YEATS2: variants seen among roughly 807,000 people sequenced by gnomAD.
YEATS2 encodes the protein YEATS domain containing 2.
In YEATS2, 77 loss-of-function variants were observed where a neutral mutation model predicts 163.2. The observed-to-expected ratio is 0.47, with a 90% CI of 0.39 to 0.57. YEATS2 has a LOEUF of 0.57. Among genes scored for constraint, YEATS2 ranks in the 20% least tolerant of loss-of-function variants. YEATS2 has a pLI of 0.00. For synonymous variants in YEATS2, 631 were observed against 645.1 expected (o/e 0.98, Z 0.33); for missense variants, 1,549 against 1,729.8 (o/e 0.90, Z 1.85).
At chr3:183,760,237 T>G (rs1405367288) in intron 13 of YEATS2, among the ~76,000 whole-genome samples, 1 of 152,188 alleles carries the variant, frequency 6.6e-6, no homozygotes, top group Non-Finnish European at 1.5e-5. Flanking sequence ...CCAAGAAGTG[T>G]TCTTCGTTTC....
At chr3:183,716,487 T>G (rs1715893107) in intron 2 of YEATS2, among the ~76,000 whole-genome samples, 2 of 152,090 alleles carry the variant, frequency 1.3e-5, no homozygotes, top group South Asian at 4.1e-4. Context: ...GAAGGAAAAT[T>G]GTTAAATCCA....
At chr3:183,777,212 T>C (rs564831145) in intron 18 of YEATS2, among the ~76,000 whole-genome samples, 10 of 152,356 alleles carry the variant, frequency 6.6e-5, no homozygotes, top group African/African-American at 1.9e-4. Context: ...TGAAGGAAAG[T>C]AATAGAATTT....
chr3:183,769,192 A>G (rs927237649), intron 15 of YEATS2, among the ~76,000 whole-genome samples: 59 of 152,198 alleles, frequency 3.9e-4, no homozygotes, highest in Non-Finnish European at 1.5e-5. Flanking sequence ...AGTTTTAACA[A>G]TTACCAGCAT....
intron 21 of YEATS2, chr3:183,793,105 T>A: frequency 7.9e-7 from 1 of 1,270,104 alleles, no homozygotes; most frequent in Middle Eastern, 2.2e-4. Flanking sequence ...TACTGTATTA[T>A]CTTGTTGCAG....
chr3:183,728,548 C>T, intron 6 of YEATS2, 142 bp from the exon 7 acceptor site: 1 of 698,700 alleles, frequency 1.4e-6, no homozygotes, highest in South Asian at 2.8e-5. Context: ...CTTGCAAAGA[C>T]TCATTTTGCT....
At position 183,801,757 on chromosome 3, in the gene YEATS2, A is replaced by G. The variant is rs142828563; in HGVS notation, c.3502+229A>G. On this transcript the variant is annotated intron_variant, in intron 25 of 30. Coordinates refer to ENST00000305135, the MANE Select transcript of YEATS2 (RefSeq NM_018023.5). ...GTAGAAGGAATGTTTTACATTTTTC[A>G]TATGTAAATCATAGATTGTTTTGTA... is the stretch of plus-strand genomic sequence containing the variant. 4.9e-4 allele frequency: 207 copies of G among 425,816 alleles called. 4 individuals are homozygous for G. The highest frequency in any genetic ancestry group is 4.8e-3 in the East Asian group (114 of 23,686). The allele number at this position is 425,816 out of a possible 1,614,324, so 26.4% of individuals were successfully genotyped here. A position where few individuals can be genotyped will look rare whatever the true frequency, so the allele number is the denominator to read the frequency against.
At chr3:183,705,696 G>A (rs532575597) in intron 1 of YEATS2, among the ~76,000 whole-genome samples, 1 of 152,042 alleles carries the variant, frequency 6.6e-6, no homozygotes, top group East Asian at 1.9e-4. Flanking sequence ...ATGTAAGGTA[G>A]TAGTTATGTT....
Position 183,761,530 on chromosome 3 carries a change from T to A in YEATS2, c.1680T>A (p.Ser560=), listed in dbSNP as rs1721349881. ...TVKQEDSLFA[S]MPPLCPIGSH... The stretch of plus-strand genomic sequence containing the variant: ...AGCAGGAGGATTCTTTGTTTGCATC[T>A]ATGCCACCTCTTTGCCCAATTGGGA... The change falls in exon 14 of 31, where the codon TCT becomes TCA. Residue 560 remains serine (S), a synonymous_variant. Coordinates refer to ENST00000305135, the MANE Select transcript of YEATS2 (RefSeq NM_018023.5). 6.2e-7 allele frequency: 1 copy of A among 1,614,082 alleles called. No homozygotes were observed. The highest frequency in any genetic ancestry group is 8.5e-7 in the Non-Finnish European group (1 of 1,180,022).
intron 1 of YEATS2, among the ~76,000 whole-genome samples, chr3:183,702,180 C>G (rs1266521911): frequency 1.3e-5 from 2 of 152,212 alleles, no homozygotes; most frequent in African/African-American, 4.8e-5. Context: ...CGCGGTGGCT[C>G]ATACCTGTAG....
At chr3:183,741,717 G>A (rs1379091077) in intron 8 of YEATS2, among the ~76,000 whole-genome samples, 2 of 152,034 alleles carry the variant, frequency 1.3e-5, no homozygotes, top group Non-Finnish European at 2.9e-5. Context: ...AGGAGGCGAA[G>A]TTTGCAGTGA....
At chr3:183,785,520 G>A (rs1044696768) in intron 19 of YEATS2, among the ~76,000 whole-genome samples, 1 of 150,276 alleles carries the variant, frequency 6.7e-6, no homozygotes, top group Non-Finnish European at 1.5e-5. Context: ...TCAACCAGAT[G>A]TGGCACATGC....
intron 28 of YEATS2, 82 bp from the exon 29 acceptor site, chr3:183,807,948 A>G: frequency 2.6e-6 from 3 of 1,176,412 alleles, no homozygotes; most frequent in Non-Finnish European, 3.7e-6. Context: ...ATCGCTTTGC[A>G]TGTCAGGGAG....
intron 1 of YEATS2, among the ~76,000 whole-genome samples, chr3:183,700,579 T>TTTTTC (rs1238475293): frequency 6.6e-6 from 1 of 151,308 alleles, no homozygotes; most frequent in Non-Finnish European, 1.5e-5. Flanking sequence ...AGATTTTTTC[T>TTTTTC]TTTTCTTTTC....
At chr3:183,783,080 A>G (rs991982130) in intron 19 of YEATS2, among the ~76,000 whole-genome samples, 2 of 152,224 alleles carry the variant, frequency 1.3e-5, no homozygotes, top group East Asian at 3.8e-4. Flanking sequence ...CTCCAATGCA[A>G]ATTATGCCAT....
At chr3:183,700,598 C>CTTTTTTTTTTT (rs748017835) in intron 1 of YEATS2, among the ~76,000 whole-genome samples, 3 of 126,622 alleles carry the variant, frequency 2.4e-5, no homozygotes, top group African/African-American at 6.2e-5. Flanking sequence ...TCTTTTCTTT[C>CTTTTTTTTTTT]TTTTTTTTTT....
intron 2 of YEATS2, among the ~76,000 whole-genome samples, chr3:183,717,185 G>T (rs1370387591): frequency 1.3e-5 from 2 of 152,050 alleles, no homozygotes; most frequent in African/African-American, 4.8e-5. Flanking sequence ...GAGCCACCAT[G>T]CCTGGCCCCC....
chr3:183,787,057 C>T (rs762464049), intron 20 of YEATS2, among the ~76,000 whole-genome samples: 8 of 152,112 alleles, frequency 5.3e-5, no homozygotes, highest in South Asian at 2.1e-4. Context: ...CGGGTTCAAG[C>T]GATTCCCCTG....
intron 20 of YEATS2, among the ~76,000 whole-genome samples, chr3:183,787,511 A>G (rs1158791143): frequency 6.6e-6 from 1 of 151,834 alleles, no homozygotes; most frequent in Non-Finnish European, 1.5e-5. Context: ...TATATCTTTT[A>G]TCCATTTACA....
chr3:183,741,186 G>A (rs1449308095), intron 8 of YEATS2, among the ~76,000 whole-genome samples: 5 of 151,804 alleles, frequency 3.3e-5, no homozygotes, highest in African/African-American at 4.8e-5. Context: ...TGATCCACCC[G>A]CCTCAGCCTC....
Sources: allele counts gnomAD v4.1 joint callset (sites outside exome capture counted in the v4.1 genomes callset), GRCh38; gene constraint gnomAD v4.1.1; transcripts MANE v1.5; gene names NCBI Gene and HGNC (gene_info 2026-07-23, HGNC 2026-07-21).